The following NUP88 variants were observed in gnomAD, a reference collection of about 807,000 sequenced individuals.
NUP88 encodes nuclear pore complex protein Nup88.
In NUP88, 57 loss-of-function variants were observed where a neutral mutation model predicts 93.9. That is an observed-to-expected ratio of 0.61 (90% CI 0.49 to 0.76). The LOEUF is 0.76. NUP88 is among the 30% of genes least tolerant of loss of function. NUP88 has a pLI of 0.00. For missense variants in NUP88, 911 were observed against 901.0 expected (o/e 1.01, Z -0.14); for synonymous variants, 346 against 336.8 (o/e 1.03, Z -0.30).
chr17:5,410,445 T>TA (rs1913766509), intron 4 of NUP88, among the ~76,000 whole-genome samples: 1 of 149,666 alleles, frequency 6.7e-6, no homozygotes, highest in Non-Finnish European at 1.5e-5. Context: ...AGAAAGGTGA[T>TA]AAAGAAATGA....
chr17:5,386,259 T>C lies in NUP88; in HGVS notation c.2173A>G (p.Ile725Val), dbSNP rs769109819. ...TTGATTTGCTTCACCATTTCCCTTA[T>C]ATGTTCACCCCTGTAAAATTGTAAA... ...QSILKEEGEH[I>V]REMVKQINDI... The change falls in exon 17 of 17, where the codon ATA becomes GTA. Residue 725 changes from isoleucine (I) to valine (V), a missense_variant. Ile to Val is a conservative substitution (Grantham distance 29). Transcript: ENST00000573584. 1.2e-6 allele frequency: 2 copies of C among 1,611,778 alleles called. No homozygotes were observed. The highest frequency in any genetic ancestry group is 8.5e-7 in the Non-Finnish European group (1 of 1,178,992).
rs756279156 is a variant in NUP88 at position 5,387,483 on chromosome 17, C to T, written c.1836-17G>A. The T allele has an allele frequency of 3.1e-6, 5 of 1,613,200 alleles. No individual in the cohort carries two copies. The highest frequency in any genetic ancestry group is 2.2e-5 in the East Asian group (1 of 44,872). ...AGACTTTTCCTAATGATGTAAGACACAAGAGACTCTTGAGGTCCACCCCTT... is the reference window on the plus strand; with the variant it reads ...AGACTTTTCCTAATGATGTAAGACATAAGAGACTCTTGAGGTCCACCCCTT... On this transcript the variant is annotated splice_polypyrimidine_tract_variant and intron_variant, in intron 13 of 16. Coordinates refer to ENST00000573584, the MANE Select transcript of NUP88 (RefSeq NM_002532.6).
rs1911941491 is a variant in NUP88 at position 5,386,129 on chromosome 17, T to C, written c.*77A>G. 3.8e-5 allele frequency: 41 copies of C among 1,079,096 alleles called. 1 individual carries two copies. In the South Asian group the frequency reaches 6.1e-4, roughly 16 times the overall value. The allele number at this position is 1,079,096 out of a possible 1,614,324, so 66.8% of individuals were successfully genotyped here. On this transcript the variant is annotated 3_prime_UTR_variant, in exon 17 of 17. Coordinates refer to ENST00000573584, the MANE Select transcript of NUP88 (RefSeq NM_002532.6). ...TCAAAACACCTTTTTATAAATTAGA[T>C]AATTCTACCTGTTTTACAATATGGG...
At chr17:5,419,319 G>T in intron 1 of NUP88, 35 bp downstream of exon 1, 2 of 1,522,512 alleles carry the variant, frequency 1.3e-6, no homozygotes, top group South Asian at 1.3e-5. Flanking sequence ...TTCCGATCCC[G>T]GTGAGGGTCA....
intron 5 of NUP88, among the ~76,000 whole-genome samples, chr17:5,408,374 G>A (rs1203785380): frequency 6.6e-6 from 1 of 152,070 alleles, no homozygotes; most frequent in Non-Finnish European, 1.5e-5. Flanking sequence ...TTTTTCATGT[G>A]TATGTATCTT....
At chr17:5,390,590 C>T (rs1912351934) in intron 10 of NUP88, among the ~76,000 whole-genome samples, 2 of 152,114 alleles carry the variant, frequency 1.3e-5, no homozygotes, top group South Asian at 2.1e-4. Context: ...TACTCATATT[C>T]CTACATTTAT....
chr17:5,405,357 A>G, intron 5 of NUP88, 114 bp from the exon 6 acceptor site: 1 of 808,534 alleles, frequency 1.2e-6, no homozygotes, highest in South Asian at 1.8e-5. Flanking sequence ...TTATAAATGT[A>G]GTGTATTCCC....
intron 9 of NUP88, among the ~76,000 whole-genome samples, chr17:5,392,270 T>C (rs1453014610): frequency 2.6e-5 from 4 of 152,206 alleles, no homozygotes; most frequent in Non-Finnish European, 5.9e-5. Flanking sequence ...TTCTGAAAAT[T>C]GTACCATCAA....
chr17:5,413,896 A>G, intron 3 of NUP88, 113 bp downstream of exon 3: 1 of 1,132,920 alleles, frequency 8.8e-7, no homozygotes, highest in Non-Finnish European at 1.3e-6. Flanking sequence ...GCCATCCAAT[A>G]AAAGCACTGA....
rs1913657767 is a variant in NUP88 at position 5,408,898 on chromosome 17, G to T, written c.692C>A (p.Thr231Asn). 1 of 1,578,892 alleles carries T rather than the reference G, an allele frequency of 6.3e-7. No homozygotes were observed. Among genetic ancestry groups the T allele is most frequent in the African/African-American group, 1.4e-5 (1 of 72,670 alleles). The change falls in exon 5 of 17, where the codon ACC (threonine) becomes AAC (asparagine). Residue 231 changes from threonine (T) to asparagine (N), a missense_variant. Coordinates refer to ENST00000573584, the MANE Select transcript of NUP88 (RefSeq NM_002532.6). ...AACTGCTGTCTCTCCTAGAGATGCG[G>T]TATACGCCCTTCTGGAAAGAGATGT... is the stretch of plus-strand genomic sequence containing the variant. ...SLVLNKGRAY[T>N]ASLGETAVAF...
At chr17:5,403,289 A>C (rs1913278343) in intron 7 of NUP88, among the ~76,000 whole-genome samples, 1 of 151,986 alleles carries the variant, frequency 6.6e-6, no homozygotes, top group Admixed American at 6.6e-5. Context: ...CAGCCTGGCC[A>C]ATATGGTGAG....
At position 5,386,056 on chromosome 17, in the gene NUP88, A is replaced by G. The variant is rs1911932568; in HGVS notation, c.*150T>C. 5.1e-6 allele frequency: 3 copies of G among 592,122 alleles called. No homozygotes were observed. Among genetic ancestry groups the G allele is most frequent in the East Asian group, 3.1e-5 (1 of 32,658 alleles). The allele number at this position is 592,122 out of a possible 1,614,324, so 36.7% of individuals were successfully genotyped here. On this transcript the variant is annotated 3_prime_UTR_variant, in exon 17 of 17. Transcript: ENST00000573584. ...AATTTTAAATAAAAGCATTTACTCA[A>G]TTATTATAAAACAACATATTTAAAA...
rs779833608 is a variant in NUP88 at position 5,414,149 on chromosome 17, A to G, written c.468-15T>C. 3 of 1,607,378 alleles carry G rather than the reference A, an allele frequency of 1.9e-6. No homozygotes were observed. Among genetic ancestry groups the G allele is most frequent in the Middle Eastern group, 1.6e-4 (1 of 6,066 alleles). On this transcript the variant is annotated splice_polypyrimidine_tract_variant and intron_variant, in intron 2 of 16. Transcript: ENST00000573584. ...CTGGAGTGGTACTAAAATAAAGATA[A>G]TAATTTTCCAAAACATTTTGTACAA...
Position 5,399,733 on chromosome 17 carries a change from T to G in NUP88, c.1193-83A>C, listed in dbSNP as rs554254157. On this transcript the variant is annotated intron_variant, in intron 7 of 16. Coordinates refer to ENST00000573584, the MANE Select transcript of NUP88 (RefSeq NM_002532.6). ...CCTCAAATTTGTTGGCTACTCCACATTAGCCTACAAACGCATTTGTTGATG... is the reference window on the plus strand; with the variant it reads ...CCTCAAATTTGTTGGCTACTCCACAGTAGCCTACAAACGCATTTGTTGATG... 2.0e-5 allele frequency: 13 copies of G among 658,322 alleles called. 1 individual carries two copies. The highest frequency in any genetic ancestry group is 1.3e-4 in the African/African-American group (7 of 53,552). 40.8% of individuals were successfully genotyped at this position (658,322 alleles called of 1,614,324 possible).
chr17:5,409,491 A>G (rs1385231719), intron 4 of NUP88, among the ~76,000 whole-genome samples: 1 of 152,194 alleles, frequency 6.6e-6, no homozygotes, highest in African/African-American at 2.4e-5. Flanking sequence ...CAAATAGCAA[A>G]AATTTATTAT....
intron 10 of NUP88, among the ~76,000 whole-genome samples, chr17:5,389,690 C>T (rs904935082): frequency 6.6e-6 from 1 of 150,760 alleles, no homozygotes; most frequent in Non-Finnish European, 1.5e-5. Flanking sequence ...GCATGAGAAT[C>T]GCCTGAACCC....
At chr17:5,407,837 C>T (rs941837772) in intron 5 of NUP88, among the ~76,000 whole-genome samples, 2 of 152,076 alleles carry the variant, frequency 1.3e-5, no homozygotes, top group South Asian at 4.1e-4. Context: ...TTTCATTTTT[C>T]CCTCTGTTCT....
chr17:5,403,593 G>C (rs1913297616), intron 7 of NUP88, among the ~76,000 whole-genome samples: 1 of 152,138 alleles, frequency 6.6e-6, no homozygotes, highest in African/African-American at 2.4e-5. Context: ...CTGGGAGATG[G>C]AGGTTGCAGT....
rs1005203542 is a variant in NUP88, at chr17:5,405,122, C to T, written c.979G>A (p.Ala327Thr). 7.4e-6 allele frequency: 12 copies of T among 1,614,028 alleles called. No homozygotes were observed. Among genetic ancestry groups the T allele is most frequent in the African/African-American group, 4.0e-5 (3 of 74,924 alleles). Residue 327 changes from alanine (A) to threonine (T), a missense_variant, in exon 6 of 17, where the codon GCT (alanine) becomes ACT (threonine). Transcript: ENST00000573584. ...TGATACAGCATTCCTGATTCAGTAG[C>T]GATCACTAAGATATTGGGGACACAG... is the stretch of plus-strand genomic sequence containing the variant. ...LPCVPNILVI[A>T]TESGMLYHCV...
Sources: allele counts gnomAD v4.1 joint callset (sites outside exome capture counted in the v4.1 genomes callset), GRCh38; gene constraint gnomAD v4.1.1; transcripts MANE v1.5; gene names NCBI Gene and HGNC (gene_info 2026-07-23, HGNC 2026-07-21).